The following ZBBX variants were observed in gnomAD, a reference collection of about 807,000 sequenced individuals.
The protein encoded by ZBBX is zinc finger B-box domain containing.
Under a neutral mutation model 108.5 loss-of-function variants are expected in ZBBX, and 101 were observed. The observed-to-expected ratio is 0.93, with a 90% CI of 0.79 to 1.10. The LOEUF (loss-of-function observed/expected upper bound fraction) is 1.10. Ranked by LOEUF, ZBBX falls within the 50% of genes least tolerant of loss-of-function variation. The probability of loss-of-function intolerance (pLI) is 0.00; values close to 1 mark genes in which losing one functional copy is unlikely to be tolerated. For missense variants in ZBBX, 1,009 were observed against 941.4 expected (o/e 1.07, Z -0.94); for synonymous variants, 356 against 323.4 (o/e 1.10, Z -1.08).
chr3:167,191,644 G>A, the ZBBX span, among the ~76,000 whole-genome samples: 2 of 151,948 alleles, frequency 1.3e-5, no homozygotes, highest in Admixed American at 1.3e-4. Context: ...CCATGAGTGT[G>A]AAGCCTCCCC....
At chr3:167,382,585 T>A (rs896009677), upstream of ZBBX, among the ~76,000 whole-genome samples, 2 of 152,136 alleles carry the variant, frequency 1.3e-5, no homozygotes, top group Non-Finnish European at 2.9e-5. Context: ...CAGATTTACA[T>A]GACTCATTTT....
chr3:167,273,450 C>G (rs928492171), intron 20 of ZBBX, among the ~76,000 whole-genome samples: 1 of 152,140 alleles, frequency 6.6e-6, no homozygotes, highest in Non-Finnish European at 1.5e-5. Flanking sequence ...CTGCTATATC[C>G]CAAAGTGCAA....
At chr3:167,301,914 A>T (rs1253439339) in intron 17 of ZBBX, among the ~76,000 whole-genome samples, 1 of 143,454 alleles carries the variant, frequency 7.0e-6, no homozygotes, top group Non-Finnish European at 1.5e-5. Flanking sequence ...CCACGATGGC[A>T]CCACTGCACC....
At chr3:167,346,278 G>A (rs1385256046) in intron 9 of ZBBX, among the ~76,000 whole-genome samples, 1 of 151,786 alleles carries the variant, frequency 6.6e-6, no homozygotes, top group Non-Finnish European at 1.5e-5. Flanking sequence ...GGTTGGAAAA[G>A]GCAAAGAAAC....
chr3:167,229,516 T>C, the ZBBX span, among the ~76,000 whole-genome samples: 1 of 151,824 alleles, frequency 6.6e-6, no homozygotes, highest in African/African-American at 2.4e-5. Context: ...TGACACTGAC[T>C]ATTGATATAA....
the ZBBX span, among the ~76,000 whole-genome samples, chr3:167,228,005 A>C: frequency 2.0e-5 from 3 of 151,702 alleles, no homozygotes; most frequent in African/African-American, 7.3e-5. Flanking sequence ...ACTCAAGGGA[A>C]TATATCTTAG....
At chr3:167,261,361 G>A (rs1307847646) in intron 20 of ZBBX, among the ~76,000 whole-genome samples, 1 of 151,940 alleles carries the variant, frequency 6.6e-6, no homozygotes, top group African/African-American at 2.4e-5. Context: ...GTATGGGGGA[G>A]GAACTGGCGG....
chr3:167,186,518 G>T, the ZBBX span, among the ~76,000 whole-genome samples: 1 of 152,254 alleles, frequency 6.6e-6, no homozygotes, highest in Admixed American at 6.5e-5. Flanking sequence ...GGCTTTCTGA[G>T]ATAATGCTTA....
chr3:167,338,038 A>G (rs771131712), intron 9 of ZBBX, among the ~76,000 whole-genome samples: 21 of 152,174 alleles, frequency 1.4e-4, no homozygotes, highest in Non-Finnish European at 2.4e-4. Flanking sequence ...CATGCTAAAA[A>G]TGTTTTAAAA....
intron 14 of ZBBX, 131 bp downstream of exon 14, chr3:167,316,874 A>G: frequency 3.9e-6 from 2 of 508,004 alleles, no homozygotes; most frequent in Non-Finnish European, 6.8e-6. Flanking sequence ...AAACCCAAAC[A>G]CTTGTAAATT....
the ZBBX span, among the ~76,000 whole-genome samples, chr3:167,229,518 T>C: frequency 6.6e-6 from 1 of 151,820 alleles, no homozygotes; most frequent in African/African-American, 2.4e-5. Context: ...ACACTGACTA[T>C]TGATATAAAT....
intron 20 of ZBBX, among the ~76,000 whole-genome samples, chr3:167,252,465 G>A (rs1047155511): frequency 4.6e-5 from 7 of 152,162 alleles, no homozygotes; most frequent in Non-Finnish European, 8.8e-5. Flanking sequence ...GAAGCCTTAT[G>A]TCACTGTAGC....
chr3:167,279,072 A>T (rs556926765), intron 20 of ZBBX, among the ~76,000 whole-genome samples: 32 of 151,092 alleles, frequency 2.1e-4, no homozygotes, highest in African/African-American at 7.7e-4. Context: ...AAAAACTCTC[A>T]ATAAATTAGG....
At chr3:167,308,080 G>A (rs1012525177) in intron 16 of ZBBX, among the ~76,000 whole-genome samples, 1 of 152,006 alleles carries the variant, frequency 6.6e-6, no homozygotes. Context: ...AGAGCTCTAA[G>A]AACCACCTTC....
the ZBBX span, among the ~76,000 whole-genome samples, chr3:167,178,894 CT>C: frequency 2.0e-5 from 3 of 152,092 alleles, no homozygotes; most frequent in African/African-American, 7.2e-5. Context: ...CCCGCTTTTG[CT>C]TTTGCAACTG....
chr3:167,179,650 A>G, the ZBBX span, among the ~76,000 whole-genome samples: 14 of 152,238 alleles, frequency 9.2e-5, no homozygotes, highest in African/African-American at 2.4e-5. Context: ...TATCAAAAGC[A>G]GTCAATACCT....
intron 18 of ZBBX, among the ~76,000 whole-genome samples, chr3:167,295,043 C>A (rs1456497714): frequency 6.6e-6 from 1 of 152,132 alleles, no homozygotes; most frequent in African/African-American, 2.4e-5. Context: ...CAGGAAACAA[C>A]AGATGCTGGA....
intron 20 of ZBBX, among the ~76,000 whole-genome samples, chr3:167,267,946 C>T (rs535508743): frequency 1.1e-4 from 17 of 152,046 alleles, no homozygotes; most frequent in Admixed American, 3.3e-4. Flanking sequence ...CTTCTCCTTA[C>T]GTTATTCCTC....
chr3:167,249,902 GA>G (rs1378475953), intron 20 of ZBBX, among the ~76,000 whole-genome samples: 1 of 152,166 alleles, frequency 6.6e-6, no homozygotes, highest in Non-Finnish European at 1.5e-5. Context: ...TGGAAGACTG[GA>G]AAAGAAGACA....
Sources: gnomAD v4.1 joint callset for allele counts (sites outside exome capture counted in the v4.1 genomes callset) on GRCh38, gnomAD v4.1.1 for gene constraint, MANE v1.5 for transcripts, NCBI Gene and HGNC (gene_info 2026-07-23, HGNC 2026-07-21) for gene names.